PDZRN3: variants seen among roughly 807,000 people sequenced by gnomAD.
PDZRN3 encodes PDZ domain containing ring finger 3, also known as E3 ubiquitin-protein ligase PDZRN3.
In PDZRN3, 38 loss-of-function variants were observed where a neutral mutation model predicts 85.7. The observed-to-expected ratio is 0.44, with a 90% confidence interval of 0.34 to 0.58. The LOEUF is 0.58. Ranked by LOEUF, PDZRN3 falls within the 20% of genes least tolerant of loss-of-function variation. PDZRN3 has a pLI of 0.01. For synonymous variants in PDZRN3, 759 were observed against 638.0 expected (o/e 1.19, Z -2.86); for missense variants, 1,629 against 1,506.4 (o/e 1.08, Z -1.35).
At chr3:73,416,046 C>T (rs1404610385) in intron 3 of PDZRN3, among the ~76,000 whole-genome samples, 1 of 149,196 alleles carries the variant, frequency 6.7e-6, no homozygotes, top group African/African-American at 2.5e-5. Context: ...GGAGAATCCA[C>T]AAGATTAAGG....
chr3:73,611,924 T>TA (rs1404490998), intron 1 of PDZRN3, among the ~76,000 whole-genome samples: 1 of 152,184 alleles, frequency 6.6e-6, no homozygotes, highest in Non-Finnish European at 1.5e-5. Context: ...ATCATTCAGT[T>TA]ACATCCCACC....
intron 3 of PDZRN3, among the ~76,000 whole-genome samples, chr3:73,527,118 C>T (rs150953758): frequency 0.013 from 2,032 of 152,254 alleles, 42 homozygotes; most frequent in African/African-American, 0.043. Context: ...GGATTACAGG[C>T]GTGAGTCACT....
At position 73,388,070 on chromosome 3, in the gene PDZRN3, C is replaced by CT. The variant is rs200593963; in HGVS notation, c.1417-2dup. The stretch of plus-strand genomic sequence containing the variant: ...GGTTCTGCACCTCTATCCCATTAAT[C>CT]TTTTAAAAAAAAAGGGGGGGTGGGG... On this transcript the variant is annotated splice_acceptor_variant, in intron 7 of 9. Coordinates refer to ENST00000263666, the MANE Select transcript of PDZRN3 (RefSeq NM_015009.3). LOFTEE classifies it high-confidence loss of function. 2,274 of 790,566 alleles carry CT rather than the reference C, an allele frequency of 2.9e-3. 12 individuals carry two copies. Among genetic ancestry groups the CT allele is most frequent in the African/African-American group, 0.018 (806 of 45,066 alleles). The allele number at this position is 790,566 out of a possible 1,614,324, so 49.0% of individuals were successfully genotyped here.
intron 3 of PDZRN3, among the ~76,000 whole-genome samples, chr3:73,423,991 A>T (rs985384919): frequency 2.6e-5 from 4 of 152,198 alleles, no homozygotes; most frequent in African/African-American, 9.6e-5. Flanking sequence ...CTTGTCTATA[A>T]GATATACCAG....
intron 3 of PDZRN3, among the ~76,000 whole-genome samples, chr3:73,495,301 TA>T (rs11390546): frequency 1.3e-5 from 2 of 151,532 alleles, no homozygotes; most frequent in African/African-American, 4.8e-5. Flanking sequence ...ATTTTGCTTG[TA>T]AAAAAAAATT....
At chr3:73,592,368 T>C (rs1318140106) in intron 3 of PDZRN3, among the ~76,000 whole-genome samples, 4 of 141,616 alleles carry the variant, frequency 2.8e-5, no homozygotes, top group African/African-American at 9.9e-5. Flanking sequence ...TTTTTTCTTT[T>C]TTTGAGGGGT....
intron 5 of PDZRN3, among the ~76,000 whole-genome samples, chr3:73,392,896 A>G (rs1576028158): frequency 6.6e-6 from 1 of 152,272 alleles, no homozygotes; most frequent in South Asian, 2.1e-4. Context: ...GGAATAACCA[A>G]TTTGCATACC....
chr3:73,456,547 A>T (rs1702981652), intron 3 of PDZRN3, among the ~76,000 whole-genome samples: 2 of 152,240 alleles, frequency 1.3e-5, no homozygotes, highest in Admixed American at 1.3e-4. Context: ...CATTTTAAAT[A>T]GTCACCATTT....
At chr3:73,585,546 C>A (rs562430546) in intron 3 of PDZRN3, among the ~76,000 whole-genome samples, 1 of 152,274 alleles carries the variant, frequency 6.6e-6, no homozygotes, top group African/African-American at 2.4e-5. Flanking sequence ...TTGCATCCAC[C>A]CCTTTGCCGC....
chr3:73,389,722 G>T lies in PDZRN3; in HGVS notation c.1416+94C>A, dbSNP rs75087617. ...CGTTTGTGATCCCTGTTCTTTAACC[G>T]CTTCTGCATTTTCAACCCTAGACCT... On this transcript the variant is annotated intron_variant, in intron 7 of 9. Coordinates refer to ENST00000263666, the MANE Select transcript of PDZRN3 (RefSeq NM_015009.3). 4.4e-3 allele frequency: 3,968 copies of T among 894,520 alleles called. 106 individuals carry two copies. The African/African-American group carries it at 0.053, about 12-fold the overall frequency. The allele number at this position is 894,520 out of a possible 1,614,324, so 55.4% of individuals were successfully genotyped here. A position where few individuals can be genotyped will look rare whatever the true frequency, so the allele number is the denominator to read the frequency against.
intron 3 of PDZRN3, among the ~76,000 whole-genome samples, chr3:73,591,473 A>C (rs1373814910): frequency 6.6e-6 from 1 of 152,200 alleles, no homozygotes; most frequent in Non-Finnish European, 1.5e-5. Flanking sequence ...CACTAATATC[A>C]AAAAGAAATA....
At chr3:73,571,108 A>T (rs1702040060) in intron 3 of PDZRN3, among the ~76,000 whole-genome samples, 1 of 152,168 alleles carries the variant, frequency 6.6e-6, no homozygotes, top group African/African-American at 2.4e-5. Context: ...ATCTACCTTA[A>T]CTATGGTTTT....
intron 1 of PDZRN3, among the ~76,000 whole-genome samples, chr3:73,617,846 C>T (rs1347126851): frequency 2.0e-5 from 3 of 152,176 alleles, no homozygotes; most frequent in Admixed American, 2.0e-4. Flanking sequence ...GCTGGGACTA[C>T]AGGTGTGCAC....
intron 3 of PDZRN3, among the ~76,000 whole-genome samples, chr3:73,449,521 T>C (rs907366172): frequency 1.1e-4 from 16 of 152,224 alleles, no homozygotes; most frequent in African/African-American, 3.9e-4. Flanking sequence ...TTCTGAATCA[T>C]GATGAGGACT....
In PDZRN3 at chr3:73,479,154, T is replaced by C. The variant is rs77091550; in HGVS notation, c.919-74759A>G. Among the ~76,000 whole-genome samples, 372 of 152,302 alleles carry C rather than the reference T, an allele frequency of 2.4e-3. 1 individual carries two copies. The East Asian group carries it at 0.033, about 14-fold the overall frequency. On this transcript the variant is annotated intron_variant, in intron 3 of 9. Transcript: ENST00000263666. ...AGACTGCTTGAAAAAGGTCCTGGCT[T>C]TTAAAGATCTCATTTCTTTAGGATA...
rs1704018627 is a variant in PDZRN3 at position 73,503,468 on chromosome 3, G to T, written c.918+98886C>A. On this transcript the variant is annotated intron_variant, in intron 3 of 9. Coordinates refer to ENST00000263666, the MANE Select transcript of PDZRN3 (RefSeq NM_015009.3). ...CTTTAAATACCAGGCTTCAAAAAAA[G>T]TATGATTTCTTCACTTTAAATCATT... is the stretch of plus-strand genomic sequence containing the variant. Among the ~76,000 whole-genome samples the T allele has an allele frequency of 3.9e-5, 6 of 152,276 alleles. 1 individual carries two copies. The South Asian group carries it at 1.2e-3, about 32-fold the overall frequency.
intron 3 of PDZRN3, among the ~76,000 whole-genome samples, chr3:73,511,766 G>T (rs1372398542): frequency 1.3e-5 from 2 of 152,230 alleles, no homozygotes; most frequent in Non-Finnish European, 2.9e-5. Context: ...ATCTAAAACA[G>T]ACACCTCATT....
chr3:73,408,493 T>C (rs925657533), intron 3 of PDZRN3, among the ~76,000 whole-genome samples: 1 of 152,092 alleles, frequency 6.6e-6, no homozygotes, highest in Admixed American at 6.6e-5. Context: ...GTAAGGCTTC[T>C]TGACTTCCCA....
At chr3:73,509,028 A>G (rs1575698789) in intron 3 of PDZRN3, among the ~76,000 whole-genome samples, 1 of 152,352 alleles carries the variant, frequency 6.6e-6, no homozygotes, top group East Asian at 1.9e-4. Flanking sequence ...TGTAAGCCTC[A>G]CGTGGCAATT....
Sources: gnomAD v4.1 joint callset for allele counts (sites outside exome capture counted in the v4.1 genomes callset) on GRCh38, gnomAD v4.1.1 for gene constraint, MANE v1.5 for transcripts, NCBI Gene and HGNC (gene_info 2026-07-23, HGNC 2026-07-21) for gene names.